SGCD: variants seen among roughly 807,000 people sequenced by gnomAD.
The protein encoded by SGCD is sarcoglycan delta, also known as delta-sarcoglycan.
SGCD carries 18 observed loss-of-function variants against 36.6 expected under a neutral mutation model. The ratio of observed to expected loss-of-function variants is 0.49; its 90% CI spans 0.34 to 0.73. The LOEUF (loss-of-function observed/expected upper bound fraction) is 0.73, where lower values mean the gene tolerates loss of function less well. SGCD is among the 30% of genes least tolerant of loss of function. SGCD has a pLI of 0.01. For synonymous variants in SGCD, 133 were observed against 130.6 expected, an observed-to-expected ratio of 1.02 and a Z score of -0.12; for missense variants, 387 against 346.7, an observed-to-expected ratio of 1.12 and a Z score of -0.92.
intron 3 of SGCD, among the ~76,000 whole-genome samples, chr5:156,171,759 G>A (rs1024097491): frequency 6.6e-6 from 1 of 152,168 alleles, no homozygotes; most frequent in African/African-American, 2.4e-5. Flanking sequence ...GGATGATACT[G>A]AGGGGAATGG....
intron 3 of SGCD, among the ~76,000 whole-genome samples, chr5:156,252,704 T>C (rs536183908): frequency 1.3e-5 from 2 of 152,336 alleles, no homozygotes; most frequent in East Asian, 1.9e-4. Context: ...AGGGAATTTC[T>C]TTGAAGTCTA....
rs1754962028 is a variant in SGCD, at chr5:156,710,915, G to A, written c.576-46666G>A. On this transcript the variant is annotated intron_variant, in intron 7 of 8. Transcript: ENST00000337851. ...CAGAATGTAAATTTACTCCATAAGA[G>A]ATAGCCTTGTCAAAGAGATATATTT... Among the ~76,000 whole-genome samples the A allele has an allele frequency of 3.3e-5, 5 of 152,190 alleles. No homozygotes were observed. The South Asian group carries it at 8.3e-4, about 25-fold the overall frequency.
chr5:156,395,904 A>C (rs954282016), intron 3 of SGCD, among the ~76,000 whole-genome samples: 1 of 152,226 alleles, frequency 6.6e-6, no homozygotes, highest in Non-Finnish European at 1.5e-5. Flanking sequence ...AACTTGACAC[A>C]AGGAGTCATC....
chr5:155,931,068 G>GT (rs1757090000), intron 1 of SGCD, among the ~76,000 whole-genome samples: 1 of 152,054 alleles, frequency 6.6e-6, no homozygotes, highest in Non-Finnish European at 1.5e-5. Context: ...GGTTGCATGG[G>GT]TTTTTTAATA....
chr5:156,467,670 C>A (rs556679943), intron 3 of SGCD, among the ~76,000 whole-genome samples: 6 of 152,304 alleles, frequency 3.9e-5, no homozygotes, highest in African/African-American at 1.4e-4. Context: ...GCAGATCAAG[C>A]ACTTGCTTAA....
At chr5:156,080,129 C>T (rs996246653) in intron 1 of SGCD, among the ~76,000 whole-genome samples, 21 of 152,224 alleles carry the variant, frequency 1.4e-4, no homozygotes, top group African/African-American at 4.6e-4. Flanking sequence ...ACAGCTTGCA[C>T]CCTCTAAAGC....
intron 4 of SGCD, among the ~76,000 whole-genome samples, chr5:156,524,094 C>CTA (rs60414987): frequency 3.1e-3 from 124 of 40,508 alleles, no homozygotes; most frequent in Non-Finnish European, 3.8e-3. Flanking sequence ...TGAGGTCTTA[C>CTA]TATATATATA....
chr5:156,678,667 G>T (rs536961426), intron 7 of SGCD, among the ~76,000 whole-genome samples: 1 of 152,290 alleles, frequency 6.6e-6, no homozygotes, highest in South Asian at 2.1e-4. Context: ...TTGTCTGAAG[G>T]AAGCAAAGAT....
the SGCD span, among the ~76,000 whole-genome samples, chr5:155,834,834 CTTTT>C: frequency 2.2e-5 from 3 of 135,564 alleles, no homozygotes; most frequent in African/African-American, 2.7e-5. Context: ...TGAATGTAAT[CTTTT>C]TTTTTTTTTT....
chr5:156,527,296 A>C (rs1757685144), intron 4 of SGCD, among the ~76,000 whole-genome samples: 3 of 152,184 alleles, frequency 2.0e-5, no homozygotes, highest in Non-Finnish European at 4.4e-5. Flanking sequence ...AAAAACATAA[A>C]CTATAATTGG....
chr5:155,841,410 A>G, the SGCD span, among the ~76,000 whole-genome samples: 1 of 152,058 alleles, frequency 6.6e-6, no homozygotes, highest in African/African-American at 2.4e-5. Flanking sequence ...AAACTTTTGG[A>G]TTTTTCCCAA....
At chr5:156,508,485 T>C (rs574917036) in intron 3 of SGCD, 116 bp from the exon 4 acceptor site, 123 of 654,456 alleles carry the variant, frequency 1.9e-4, no homozygotes, top group Admixed American at 9.5e-4. Flanking sequence ...CCGTCCTCAT[T>C]CCACACCTTC....
intron 3 of SGCD, among the ~76,000 whole-genome samples, chr5:156,420,945 G>T (rs1773275954): frequency 6.6e-6 from 1 of 151,986 alleles, no homozygotes; most frequent in South Asian, 2.1e-4. Flanking sequence ...ATAGACTGGG[G>T]CTTTCAATTC....
chr5:156,293,914 A>T (rs1390039024), intron 3 of SGCD, among the ~76,000 whole-genome samples: 1 of 152,196 alleles, frequency 6.6e-6, no homozygotes, highest in Non-Finnish European at 1.5e-5. Context: ...TCTGTAGATC[A>T]TTTTGAATAG....
chr5:155,861,392 G>T, the SGCD span, among the ~76,000 whole-genome samples: 1 of 152,038 alleles, frequency 6.6e-6, no homozygotes, highest in Non-Finnish European at 1.5e-5. Flanking sequence ...GCTGTTTTTT[G>T]TTCTTGTGGC....
intron 3 of SGCD, among the ~76,000 whole-genome samples, chr5:156,275,786 T>C (rs116234454): frequency 7.2e-4 from 109 of 152,310 alleles, no homozygotes; most frequent in African/African-American, 2.5e-3. Flanking sequence ...AAGTATATGC[T>C]ATCATTGAGG....
At chr5:156,713,413 G>A (rs7716066) in intron 7 of SGCD, among the ~76,000 whole-genome samples, 6 of 149,386 alleles carry the variant, frequency 4.0e-5, no homozygotes, top group South Asian at 2.2e-4. Flanking sequence ...AACATGTCGG[G>A]GGGGGCGTTA....
At chr5:156,271,454 C>T (rs1342522283) in intron 3 of SGCD, among the ~76,000 whole-genome samples, 1 of 152,020 alleles carries the variant, frequency 6.6e-6, no homozygotes, top group African/African-American at 2.4e-5. Flanking sequence ...TAGGCCAGGG[C>T]AGGGGAGGGA....
chr5:156,257,736 C>T (rs915548448), intron 3 of SGCD, among the ~76,000 whole-genome samples: 5 of 151,628 alleles, frequency 3.3e-5, no homozygotes, highest in East Asian at 2.0e-4. Context: ...TGATAGGGCA[C>T]GCCTGTAATC....
Sources: allele counts gnomAD v4.1 joint callset (sites outside exome capture counted in the v4.1 genomes callset), GRCh38; gene constraint gnomAD v4.1.1; transcripts MANE v1.5; gene names NCBI Gene and HGNC (gene_info 2026-07-23, HGNC 2026-07-21).